KRI1: variants seen among roughly 807,000 people sequenced by gnomAD.
KRI1 encodes the protein KRI1 homolog, also known as protein KRI1 homolog.
Under a neutral mutation model 97.0 loss-of-function variants are expected in KRI1, and 83 were observed. The ratio of observed to expected loss-of-function variants is 0.86; its 90% CI spans 0.72 to 1.03. The LOEUF (loss-of-function observed/expected upper bound fraction) is 1.03. KRI1 is among the 50% of genes least tolerant of loss of function. The probability of loss-of-function intolerance (pLI) is 0.00; values close to 1 mark genes in which losing one functional copy is unlikely to be tolerated. For synonymous variants in KRI1, 371 were observed against 363.5 expected (o/e 1.02, Z -0.23); for missense variants, 916 against 928.4 (o/e 0.99, Z 0.17).
chr19:10,555,115 G>A lies in KRI1; in HGVS notation c.1753C>T (p.Gln585Ter). The stretch of plus-strand genomic sequence containing the variant: ...TCTCGGCAGAGTGACTTGAAGACCT[G>A]CCGCTTTTTCCATGAGTTCTGGGCC... ...QKAQNSWKKR[Q>*]VFKSLCREEA... The change falls in exon 18 of 19, where the codon CAG becomes TAG. Residue 585 changes from glutamine to a stop codon, truncating the protein, a stop_gained. Coordinates refer to ENST00000312962, the MANE Select transcript of KRI1 (RefSeq NM_023008.5). LOFTEE classifies it low-confidence loss of function (END_TRUNC). The A allele has an allele frequency of 1.9e-6, 3 of 1,614,194 alleles. No homozygotes were observed. In the South Asian group the frequency reaches 3.3e-5, roughly 18 times the overall value.
rs1047874784 is a variant in KRI1, at chr19:10,557,598, T to C, written c.1571A>G (p.Lys524Arg). 4.3e-6 allele frequency: 7 copies of C among 1,614,074 alleles called. No homozygotes were observed. The African/African-American group carries it at 9.3e-5, about 22-fold the overall frequency. The change falls in exon 16 of 19, where the codon AAG (lysine) becomes AGG (arginine). Residue 524 changes from lysine (K) to arginine (R), a missense_variant. By Grantham distance (26) the Lys-to-Arg change is conservative. Coordinates refer to ENST00000312962, the MANE Select transcript of KRI1 (RefSeq NM_023008.5). ...DIIDDLPCRF[K>R]YRTVVPCDFG... is the part of the protein sequence containing the mutation. ...GTCACAGGGCACCACTGTGCGGTACTTGAAGCGACAGGGCAGGTCGTCGAT... is the reference window on the plus strand; with the variant it reads ...GTCACAGGGCACCACTGTGCGGTACCTGAAGCGACAGGGCAGGTCGTCGAT...
At chr19:10,554,532 C>T (rs1245105115) in intron 18 of KRI1, among the ~76,000 whole-genome samples, 1 of 152,070 alleles carries the variant, frequency 6.6e-6, no homozygotes, top group Non-Finnish European at 1.5e-5. Context: ...CTAGTCACAT[C>T]AATTAACTCA....
chr19:10,560,947 T>G lies in KRI1; in HGVS notation c.663+56A>C, dbSNP rs112776579. On this transcript the variant is annotated intron_variant, in intron 8 of 18. Coordinates refer to ENST00000312962, the MANE Select transcript of KRI1 (RefSeq NM_023008.5). ...AGAGGGTTACTTTCTGTAAATAGGTTGGATGGACGCGGAACACGCGGTCTA... is the reference window on the plus strand; with the variant it reads ...AGAGGGTTACTTTCTGTAAATAGGTGGGATGGACGCGGAACACGCGGTCTA... 539 of 1,336,834 alleles carry G rather than the reference T, an allele frequency of 4.0e-4. 3 individuals are homozygous for G. In the African/African-American group the frequency reaches 5.7e-3, roughly 14 times the overall value. 82.8% of individuals were successfully genotyped at this position (1,336,834 alleles called of 1,614,324 possible).
At position 10,564,930 on chromosome 19, in the gene KRI1, T is replaced by C; in HGVS notation, c.273A>G (p.Thr91=). Residue 91 remains threonine, a splice_region_variant and synonymous_variant, in exon 3 of 19, where the codon ACA becomes ACG. Transcript: ENST00000312962. ...GTTTAGACAGGAGTGGCCCCGGACC[T>C]GTTCTGTTATAGAAGGTGGCATCTT... ...YQKDATFYNR[T]ASSSDSEEDP... The C allele has an allele frequency of 6.3e-7, 1 of 1,596,950 alleles. No homozygotes were observed. The highest frequency in any genetic ancestry group is 8.6e-7 in the Non-Finnish European group (1 of 1,164,474).
In KRI1 at chr19:10,564,798, C is replaced by A. The variant is rs1916810151; in HGVS notation, c.274+131G>T. The A allele has an allele frequency of 3.3e-5, 24 of 727,196 alleles. No homozygotes were observed. In the South Asian group the frequency reaches 3.5e-4, roughly 11 times the overall value. 45.0% of individuals were successfully genotyped at this position (727,196 alleles called of 1,614,324 possible). ...AAACAGCCCTGAGGGGAGATGCTAC[C>A]GTTAGATATACTTTACAGACAGGAA... On this transcript the variant is annotated intron_variant, in intron 3 of 18. Coordinates refer to ENST00000312962, the MANE Select transcript of KRI1 (RefSeq NM_023008.5).
In KRI1 at chr19:10,565,907, C is replaced by T. The variant is rs1916860149; in HGVS notation, c.93G>A (p.Arg31=). 5.2e-6 allele frequency: 8 copies of T among 1,533,736 alleles called. No individual in the cohort carries two copies. The highest frequency in any genetic ancestry group is 7.0e-6 in the Non-Finnish European group (8 of 1,139,714). ...NRYREREELQ[R]LKDRYGDRDS... ...CGCGCGCATGCGCCCCGCACTCACG[C>T]CGCTGCAGTTCCTCGCGCTCCCGGT... is the stretch of plus-strand genomic sequence containing the variant. The change falls in exon 1 of 19, where the codon CGG becomes CGA. Residue 31 remains arginine, a splice_region_variant and synonymous_variant. Coordinates refer to ENST00000312962, the MANE Select transcript of KRI1 (RefSeq NM_023008.5).
chr19:10,565,009 T>G lies in KRI1; in HGVS notation c.194A>C (p.Asp65Ala). The G allele has an allele frequency of 6.2e-7, 1 of 1,613,420 alleles. No homozygotes were observed. Among genetic ancestry groups the G allele is most frequent in the Non-Finnish European group, 8.5e-7 (1 of 1,179,502 alleles). ...CAACAAGGAGAGCGTTTTGTAAAAG[T>G]CCCGCTCCTGCTGGGGATCAAATTC... Reference protein sequence around the residue: ...RVEFDPQQERDFYKTLSLLKK... With the variant: ...RVEFDPQQERAFYKTLSLLKK... Residue 65 changes from aspartate (D) to alanine (A), a missense_variant, in exon 3 of 19, where the codon GAC (aspartate) becomes GCC (alanine). Around this residue, in one of 3 missense-constraint regions of KRI1, gnomAD observed 173 missense variants for 153.1 expected, o/e 1.13. Coordinates refer to ENST00000312962, the MANE Select transcript of KRI1 (RefSeq NM_023008.5).
Position 10,557,972 on chromosome 19 carries a change from G to C in KRI1, c.1359C>G (p.Asn453Lys), listed in dbSNP as rs780845086. 1.9e-6 allele frequency: 3 copies of C among 1,613,976 alleles called. No homozygotes were observed. In the African/African-American group the frequency reaches 4.0e-5, roughly 22 times the overall value. ...QELHCEDPNF[N>K]MDADYDPSQP... The stretch of plus-strand genomic sequence containing the variant: ...GACTCCCTCAACCCGTGATACCTAC[G>C]TTGAAGTTGGGGTCCTCACAGTGCA... The change falls in exon 14 of 19, where the codon AAC becomes AAG. Residue 453 changes from asparagine to lysine, a missense_variant and splice_region_variant. Around this residue, in one of 3 missense-constraint regions of KRI1, gnomAD observed 672 missense variants for 667.2 expected, o/e 1.01. Transcript: ENST00000312962.
At position 10,560,383 on chromosome 19, in the gene KRI1, G is replaced by C. The variant is rs1332621246; in HGVS notation, c.729C>G (p.Tyr243Ter). Residue 243 changes from tyrosine to a stop codon, truncating the protein, a stop_gained, in exon 9 of 19, where the codon TAC becomes TAG. Coordinates refer to ENST00000312962, the MANE Select transcript of KRI1 (RefSeq NM_023008.5). LOFTEE classifies it high-confidence loss of function. ...LDEGERFLRD[Y>*]ILNKRYEEEE... ...CCTCCTCATAGCGTTTGTTGAGGAT[G>C]TAATCCCGCAGGAACCGCTCCCCTT... 2 of 1,613,718 alleles carry C rather than the reference G, an allele frequency of 1.2e-6. No individual in the cohort carries two copies. Among genetic ancestry groups the C allele is most frequent in the Non-Finnish European group, 1.7e-6 (2 of 1,179,876 alleles).
rs150754292 is a variant in KRI1, at chr19:10,561,897, C to A, written c.384-52G>T. ...AATATATCTTCCAGGGCCCGCCTGT[C>A]CCCATGCCCATGCGGAGCAGCTATT... is the stretch of plus-strand genomic sequence containing the variant. On this transcript the variant is annotated intron_variant, in intron 4 of 18. Transcript: ENST00000312962. 8.6e-5 allele frequency: 133 copies of A among 1,552,996 alleles called. No homozygotes were observed. In the African/African-American group the frequency reaches 1.7e-3, roughly 20 times the overall value.
intron 12 of KRI1, among the ~76,000 whole-genome samples, 180 bp from the exon 13 acceptor site, chr19:10,558,419 A>G (rs1441850306): frequency 6.6e-6 from 1 of 150,444 alleles, no homozygotes; most frequent in Non-Finnish European, 1.5e-5. Flanking sequence ...TCCTCCGCCA[A>G]CTCCCCTGCT....
chr19:10,565,800 A>G lies in KRI1; in HGVS notation c.95-10T>C, dbSNP rs1916850923. On this transcript the variant is annotated splice_polypyrimidine_tract_variant and intron_variant, in intron 1 of 18. Coordinates refer to ENST00000312962, the MANE Select transcript of KRI1 (RefSeq NM_023008.5). ...CCGTAGCGATCCTTCACTGCGGGAC[A>G]CAGACGGGATGCCCCCCCCCAGGTC... 1.3e-6 allele frequency: 2 copies of G among 1,540,820 alleles called. No individual in the cohort carries two copies. The highest frequency in any genetic ancestry group is 8.7e-7 in the Non-Finnish European group (1 of 1,144,972).
rs778007094 is a variant in KRI1 at position 10,565,794 on chromosome 19, C to A, written c.95-4G>T. On this transcript the variant is annotated splice_polypyrimidine_tract_variant and splice_region_variant and intron_variant, in intron 1 of 18. Coordinates refer to ENST00000312962, the MANE Select transcript of KRI1 (RefSeq NM_023008.5). ...CGGTCCCCGTAGCGATCCTTCACTGCGGGACACAGACGGGATGCCCCCCCC... is the reference window on the plus strand; with the variant it reads ...CGGTCCCCGTAGCGATCCTTCACTGAGGGACACAGACGGGATGCCCCCCCC... 3.8e-6 allele frequency: 6 copies of A among 1,558,892 alleles called. No homozygotes were observed. Among genetic ancestry groups the A allele is most frequent in the Non-Finnish European group, 5.2e-6 (6 of 1,154,528 alleles).
Position 10,553,901 on chromosome 19 carries a change from G to A in KRI1, c.*50C>T, listed in dbSNP as rs1279171328. The A allele has an allele frequency of 6.9e-7, 1 of 1,440,528 alleles. No individual in the cohort carries two copies. Among genetic ancestry groups the A allele is most frequent in the South Asian group, 1.4e-5 (1 of 73,666 alleles). 89.2% of individuals were successfully genotyped at this position (1,440,528 alleles called of 1,614,324 possible). A position where few individuals can be genotyped will look rare whatever the true frequency, so the allele number is the denominator to read the frequency against. On this transcript the variant is annotated 3_prime_UTR_variant, in exon 19 of 19. Coordinates refer to ENST00000312962, the MANE Select transcript of KRI1 (RefSeq NM_023008.5). ...TACTTGTGGGTGCGAGACCTGTCCA[G>A]GGCTTGATTTGAGGAGAGGAGCCTG... is the stretch of plus-strand genomic sequence containing the variant.
At position 10,554,295 on chromosome 19, in the gene KRI1, G is replaced by A; in HGVS notation, c.1782-14C>T. 6.2e-7 allele frequency: 1 copy of A among 1,608,222 alleles called. No homozygotes were observed. Among genetic ancestry groups the A allele is most frequent in the Non-Finnish European group, 8.5e-7 (1 of 1,175,450 alleles). ...GGTGTCTCTGCCCTGAGGGAGAAAA[G>A]TCAGGGCTCAGCCCAGGCCTGTCAA... On this transcript the variant is annotated splice_polypyrimidine_tract_variant and intron_variant, in intron 18 of 18. Transcript: ENST00000312962.
chr19:10,553,103 ATTTT>A lies in KRI1; in HGVS notation c.*844_*847del. The A allele has an allele frequency of 6.5e-7, 1 of 1,548,378 alleles. No individual in the cohort carries two copies. The highest frequency in any genetic ancestry group is 8.7e-7 in the Non-Finnish European group (1 of 1,148,260). ...TGAGGGGAAAGATACAACACTATTT[ATTTT>A]TTTATTTATGTCATGTCGGGTGTGG... On this transcript the variant is annotated 3_prime_UTR_variant, in exon 19 of 19. Transcript: ENST00000312962.
intron 16 of KRI1, 130 bp from the exon 17 acceptor site, chr19:10,555,479 G>C: frequency 1.1e-6 from 1 of 930,876 alleles, no homozygotes; most frequent in East Asian, 2.5e-5. Context: ...GATGGCCAGA[G>C]ACAGCTGATC....
At chr19:10,560,508 G>T in intron 8 of KRI1, 60 bp from the exon 9 acceptor site, 1 of 1,287,834 alleles carries the variant, frequency 7.8e-7, no homozygotes, top group South Asian at 1.3e-5. Flanking sequence ...GGGCAGGCAT[G>T]CTCACCACAT....
intron 2 of KRI1, 159 bp downstream of exon 2, chr19:10,565,558 G>A (rs1040470380): frequency 2.2e-6 from 2 of 919,976 alleles, no homozygotes; most frequent in Non-Finnish European, 3.1e-6. Flanking sequence ...CTGGGGAGAG[G>A]GGGGGCACTG....
Sources: gnomAD v4.1 joint callset for allele counts (sites outside exome capture counted in the v4.1 genomes callset) on GRCh38, gnomAD v4.1.1 for gene constraint, gnomAD v4.1.1 regional missense constraint, MANE v1.5 for transcripts, NCBI Gene and HGNC (gene_info 2026-07-23, HGNC 2026-07-21) for gene names.